CNTNAP5: variants seen among roughly 807,000 people sequenced by gnomAD.
CNTNAP5 encodes the protein contactin associated protein family member 5.
CNTNAP5 carries 72 observed loss-of-function variants against 150.2 expected under a neutral mutation model. The observed-to-expected ratio is 0.48, with a 90% CI of 0.40 to 0.58. The LOEUF is 0.58. Ranked by LOEUF, CNTNAP5 falls within the 20% of genes least tolerant of loss-of-function variation. The pLI is 0.00. For synonymous variants in CNTNAP5, 672 were observed against 619.8 expected (o/e 1.08, Z -1.25); for missense variants, 1,636 against 1,626.2 (o/e 1.01, Z -0.10).
chr2:124,447,473 C>T (rs1418432345), intron 6 of CNTNAP5, among the ~76,000 whole-genome samples: 1 of 152,156 alleles, frequency 6.6e-6, no homozygotes, highest in Admixed American at 6.5e-5. Context: ...CTGCACAAAG[C>T]TCTGCAAACT....
At chr2:124,295,568 ATGT>A (rs1314977664) in intron 3 of CNTNAP5, among the ~76,000 whole-genome samples, 4 of 152,252 alleles carry the variant, frequency 2.6e-5, no homozygotes, top group African/African-American at 9.6e-5. Flanking sequence ...GTATTTATAG[ATGT>A]TGTTTCTGTG....
intron 13 of CNTNAP5, among the ~76,000 whole-genome samples, chr2:124,663,584 G>A (rs768216384): frequency 2.6e-5 from 4 of 152,144 alleles, no homozygotes; most frequent in Non-Finnish European, 4.4e-5. Flanking sequence ...TTGGGAGTAT[G>A]GAGGTTGGGG....
intron 7 of CNTNAP5, among the ~76,000 whole-genome samples, chr2:124,480,621 T>C: frequency 6.6e-6 from 1 of 152,204 alleles, no homozygotes; most frequent in East Asian, 1.9e-4. Flanking sequence ...CCCTACTGTC[T>C]AGTAAAGCCT....
At chr2:124,888,424 T>G (rs370833478) in intron 21 of CNTNAP5, among the ~76,000 whole-genome samples, 1 of 152,158 alleles carries the variant, frequency 6.6e-6, no homozygotes, top group Non-Finnish European at 1.5e-5. Context: ...ACATGTGTCT[T>G]TTTGGTAAAA....
chr2:124,475,805 A>T (rs1003342613), intron 7 of CNTNAP5, among the ~76,000 whole-genome samples: 2 of 152,150 alleles, frequency 1.3e-5, no homozygotes, highest in African/African-American at 4.8e-5. Flanking sequence ...TCTTGTAAAC[A>T]ACAAATAGTT....
At chr2:124,591,340 A>G (rs140915378) in intron 11 of CNTNAP5, among the ~76,000 whole-genome samples, 2 of 152,036 alleles carry the variant, frequency 1.3e-5, no homozygotes, top group Non-Finnish European at 2.9e-5. Context: ...CATTTCATAT[A>G]CAGTGGATGG....
chr2:124,766,348 C>G (rs1681068431), intron 16 of CNTNAP5, among the ~76,000 whole-genome samples: 1 of 150,030 alleles, frequency 6.7e-6, no homozygotes, highest in Admixed American at 6.7e-5. Flanking sequence ...CCCTTGAAAG[C>G]ATAAGTCATG....
chr2:124,888,113 C>G (rs1017362490), intron 21 of CNTNAP5, among the ~76,000 whole-genome samples: 7 of 152,202 alleles, frequency 4.6e-5, no homozygotes, highest in Admixed American at 2.6e-4. Context: ...CCCTTTCTCC[C>G]TTTTAATAGT....
chr2:124,178,507 C>G (rs895715829), intron 1 of CNTNAP5, among the ~76,000 whole-genome samples: 7 of 152,242 alleles, frequency 4.6e-5, no homozygotes, highest in African/African-American at 1.7e-4. Context: ...GTAGTTCCTA[C>G]ATGCTGAGAT....
intron 11 of CNTNAP5, among the ~76,000 whole-genome samples, chr2:124,602,114 G>A (rs1696998940): frequency 6.6e-6 from 1 of 152,082 alleles, no homozygotes; most frequent in African/African-American, 2.4e-5. Context: ...GGAGGCCGAG[G>A]CGGGTGGATC....
At position 124,135,607 on chromosome 2, in the gene CNTNAP5, C is replaced by T. The variant is rs1357162263; in HGVS notation, c.83-86098C>T. The stretch of plus-strand genomic sequence containing the variant: ...GTATCCCTCTGACACTGCAAATACT[C>T]TGCCTCCCCTTGTGGAGTCTATAAG... On this transcript the variant is annotated intron_variant, in intron 1 of 23. Coordinates refer to ENST00000682447, the MANE Select transcript of CNTNAP5 (RefSeq NM_001367498.1). Among the ~76,000 whole-genome samples the T allele has an allele frequency of 2.6e-5, 4 of 152,340 alleles. No homozygotes were observed. The East Asian group carries it at 7.7e-4, about 29-fold the overall frequency.
chr2:124,187,052 G>A (rs1558792419), intron 1 of CNTNAP5, among the ~76,000 whole-genome samples: 2 of 152,128 alleles, frequency 1.3e-5, no homozygotes, highest in East Asian at 1.9e-4. Flanking sequence ...AGAAATGAAA[G>A]CATCAGATTG....
At position 124,139,509 on chromosome 2, in the gene CNTNAP5, G is replaced by A. The variant is rs1417502465; in HGVS notation, c.83-82196G>A. Among the ~76,000 whole-genome samples the A allele has an allele frequency of 3.9e-5, 6 of 152,030 alleles. No homozygotes were observed. In the East Asian group the frequency reaches 7.7e-4, roughly 20 times the overall value. On this transcript the variant is annotated intron_variant, in intron 1 of 23. Transcript: ENST00000682447. ...ACTTCTCCCAGTTCCCCTTCACCTGGTAGTTTACTTCAGAGGAGGAACAAG... is the reference window on the plus strand; with the variant it reads ...ACTTCTCCCAGTTCCCCTTCACCTGATAGTTTACTTCAGAGGAGGAACAAG...
chr2:124,748,735 A>G (rs895660565), intron 14 of CNTNAP5, among the ~76,000 whole-genome samples: 1 of 152,166 alleles, frequency 6.6e-6, no homozygotes, highest in African/African-American at 2.4e-5. Context: ...ATTGGGTCCT[A>G]GGAGATGTGT....
At chr2:124,599,296 G>GT (rs1696923448) in intron 11 of CNTNAP5, among the ~76,000 whole-genome samples, 1 of 151,574 alleles carries the variant, frequency 6.6e-6, no homozygotes, top group South Asian at 2.1e-4. Flanking sequence ...AATTTTTTTT[G>GT]TTTTTCTACT....
intron 3 of CNTNAP5, among the ~76,000 whole-genome samples, chr2:124,393,586 C>T (rs562635843): frequency 2.0e-4 from 30 of 152,358 alleles, no homozygotes; most frequent in African/African-American, 6.7e-4. Flanking sequence ...CCCTGCTGGA[C>T]TTCTCTGCTT....
At chr2:124,097,102 AT>A (rs1682955821) in intron 1 of CNTNAP5, among the ~76,000 whole-genome samples, 2 of 152,202 alleles carry the variant, frequency 1.3e-5, no homozygotes, top group African/African-American at 2.4e-5. Context: ...GAATTTGGGT[AT>A]TCTTTTAGAG....
intron 20 of CNTNAP5, among the ~76,000 whole-genome samples, chr2:124,868,544 T>C (rs1677678718): frequency 6.6e-6 from 1 of 152,188 alleles, no homozygotes; most frequent in African/African-American, 2.4e-5. Flanking sequence ...TAGAGCAACC[T>C]ATTTCCTTGA....
chr2:124,170,804 G>A (rs1054805792), intron 1 of CNTNAP5, among the ~76,000 whole-genome samples: 3 of 152,114 alleles, frequency 2.0e-5, no homozygotes, highest in African/African-American at 4.8e-5. Flanking sequence ...AATGCCCACC[G>A]AGACAGGTAA....
Sources: gnomAD v4.1 joint callset for allele counts (sites outside exome capture counted in the v4.1 genomes callset) on GRCh38, gnomAD v4.1.1 for gene constraint, MANE v1.5 for transcripts, NCBI Gene and HGNC (gene_info 2026-07-23, HGNC 2026-07-21) for gene names.